SLC38A1: variants seen among roughly 807,000 people sequenced by gnomAD.
The protein encoded by SLC38A1 is solute carrier family 38 member 1, also known as sodium-coupled neutral amino acid symporter 1.
A neutral mutation model predicts 60.3 loss-of-function variants in SLC38A1; 18 were observed. The ratio of observed to expected loss-of-function variants is 0.30; its 90% CI spans 0.21 to 0.44. SLC38A1 has a LOEUF of 0.44. Among genes scored for constraint, SLC38A1 ranks in the 20% least tolerant of loss-of-function variants. The pLI is 1.00. For missense variants in SLC38A1, 448 were observed against 587.2 expected (o/e 0.76, Z 2.45); for synonymous variants, 196 against 212.1 (o/e 0.92, Z 0.66).
intron 2 of SLC38A1, among the ~76,000 whole-genome samples, chr12:46,242,457 A>T (rs1273751155): frequency 2.0e-5 from 3 of 151,600 alleles, no homozygotes; most frequent in Non-Finnish European, 4.4e-5. Flanking sequence ...GGACCTTGAA[A>T]TTTTTTTTTC....
chr12:46,189,155 T>C, intron 16 of SLC38A1, 84 bp from the exon 17 acceptor site: 1 of 940,102 alleles, frequency 1.1e-6, no homozygotes, highest in South Asian at 1.4e-5. Context: ...AGAACAGTTT[T>C]TCCTCTCCCT....
chr12:46,215,814 C>A (rs1195011249), intron 5 of SLC38A1, among the ~76,000 whole-genome samples: 4 of 152,052 alleles, frequency 2.6e-5, no homozygotes, highest in African/African-American at 9.7e-5. Flanking sequence ...TTTTACTATC[C>A]TCAATTAAAC....
Position 46,187,388 on chromosome 12 carries a change from A to C in SLC38A1, c.*1582T>G, listed in dbSNP as rs956925981. ...AATTTAACCAGAATATAGAGGAAGCATAAGTCCTGTTTCAAGAGACCAGCT... is the reference window on the plus strand; with the variant it reads ...AATTTAACCAGAATATAGAGGAAGCCTAAGTCCTGTTTCAAGAGACCAGCT... On this transcript the variant is annotated 3_prime_UTR_variant, in exon 17 of 17. Coordinates refer to ENST00000398637, the MANE Select transcript of SLC38A1 (RefSeq NM_030674.4). 6.6e-6 allele frequency: 1 copy of C among 152,254 alleles called. No individual in the cohort carries two copies. Among genetic ancestry groups the C allele is most frequent in the Non-Finnish European group, 1.5e-5 (1 of 68,052 alleles). The allele number at this position is 152,254 out of a possible 1,614,324, so 9.4% of individuals were successfully genotyped here.
rs116626031 is a variant in SLC38A1 at position 46,237,569 on chromosome 12, C to T, written c.122+2110G>A. 7.7e-3 allele frequency among the ~76,000 whole-genome samples: 1,170 copies of T among 151,968 alleles called. 14 individuals carry two copies. Among genetic ancestry groups the T allele is most frequent in the Middle Eastern group, 0.017 (5 of 294 alleles). Reference sequence around the variant, plus strand: ...GCCAACAGACCTCCCTCTGTACCAACGCTTGCCCTGGTTGGAGCCTATAGG... The same window carrying T: ...GCCAACAGACCTCCCTCTGTACCAATGCTTGCCCTGGTTGGAGCCTATAGG... On this transcript the variant is annotated intron_variant, in intron 3 of 16. Coordinates refer to ENST00000398637, the MANE Select transcript of SLC38A1 (RefSeq NM_030674.4).
intron 5 of SLC38A1, among the ~76,000 whole-genome samples, chr12:46,215,120 G>A (rs190235866): frequency 1.7e-4 from 26 of 152,240 alleles, no homozygotes; most frequent in Admixed American, 1.4e-3. Flanking sequence ...GACCTCCCTG[G>A]AAGCAGCAAA....
rs3742055 is a variant in SLC38A1 at position 46,184,110 on chromosome 12, G to C, written c.*4860C>G. On this transcript the variant is annotated 3_prime_UTR_variant, in exon 17 of 17. Transcript: ENST00000398637. ...GTATACAGATGGGCCCAGTTTCATA[G>C]CCCTTCCTTAGATAAAAGCCTAAAG... The C allele has an allele frequency of 0.15, 22,938 of 152,550 alleles. 2,113 individuals carry two copies. The highest frequency in any genetic ancestry group is 0.31 in the South Asian group (1,497 of 4,816). The allele number at this position is 152,550 out of a possible 1,614,324, so 9.4% of individuals were successfully genotyped here.
In SLC38A1 at chr12:46,209,264, C is replaced by T. The variant is rs1050790676; in HGVS notation, c.315-137G>A. 5 of 543,104 alleles carry T rather than the reference C, an allele frequency of 9.2e-6. No individual in the cohort carries two copies. The African/African-American group carries it at 9.8e-5, about 11-fold the overall frequency. 33.6% of individuals were successfully genotyped at this position (543,104 alleles called of 1,614,324 possible). ...TATCCAAATTTTGGAACCTATTAGT[C>T]ATCCCTGCTTTAAAATCCTCAACAA... On this transcript the variant is annotated intron_variant, in intron 5 of 16. Coordinates refer to ENST00000398637, the MANE Select transcript of SLC38A1 (RefSeq NM_030674.4).
At chr12:46,222,999 T>C (rs556306747) in intron 5 of SLC38A1, among the ~76,000 whole-genome samples, 17 of 152,266 alleles carry the variant, frequency 1.1e-4, no homozygotes, top group Admixed American at 6.5e-4. Context: ...TATAAGGTGA[T>C]TTTAAAGGTA....
chr12:46,195,688 C>G (rs12296427), intron 16 of SLC38A1: 1 of 164,282 alleles, frequency 6.1e-6, no homozygotes, highest in Non-Finnish European at 1.3e-5. Context: ...CAAGCTGCAG[C>G]GTCGCAGGTC....
chr12:46,234,742 A>G (rs1050073518), intron 3 of SLC38A1, among the ~76,000 whole-genome samples: 2 of 152,206 alleles, frequency 1.3e-5, no homozygotes, highest in African/African-American at 2.4e-5. Flanking sequence ...CATTTAAAAA[A>G]TACATAAAAC....
chr12:46,185,182 T>C lies in SLC38A1; in HGVS notation c.*3788A>G, dbSNP rs746117743. 7 of 152,248 alleles carry C rather than the reference T, an allele frequency of 4.6e-5. No homozygotes were observed. The highest frequency in any genetic ancestry group is 7.3e-5 in the Non-Finnish European group (5 of 68,088). The allele number at this position is 152,248 out of a possible 1,614,324, so 9.4% of individuals were successfully genotyped here. A position where few individuals can be genotyped will look rare whatever the true frequency, so the allele number is the denominator to read the frequency against. The stretch of plus-strand genomic sequence containing the variant: ...TGCTGAGTCCCTCCCTGAGAGCTTC[T>C]GACTTCACCATGTCTGGGAGGGGGC... On this transcript the variant is annotated 3_prime_UTR_variant, in exon 17 of 17. Coordinates refer to ENST00000398637, the MANE Select transcript of SLC38A1 (RefSeq NM_030674.4).
intron 12 of SLC38A1, 144 bp from the exon 13 acceptor site, chr12:46,201,342 C>G (rs1391260522): frequency 1.5e-6 from 1 of 662,662 alleles, no homozygotes; most frequent in South Asian, 2.0e-5. Context: ...GCAGTTATGC[C>G]AGTTGAAAAT....
At chr12:46,248,656 T>G (rs532070558) in intron 1 of SLC38A1, among the ~76,000 whole-genome samples, 1 of 152,228 alleles carries the variant, frequency 6.6e-6, no homozygotes, top group South Asian at 2.1e-4. Flanking sequence ...GAACTCATCT[T>G]TGCACCAAGT....
At position 46,268,005 on chromosome 12, in the gene SLC38A1, A is replaced by G. The variant is rs1187622571; in HGVS notation, c.-209+521T>C. Among the ~76,000 whole-genome samples, 1 of 152,174 alleles carries G rather than the reference A, an allele frequency of 6.6e-6. No homozygotes were observed. Among genetic ancestry groups the G allele is most frequent in the Non-Finnish European group, 1.5e-5 (1 of 68,016 alleles). On this transcript the variant is annotated intron_variant, in intron 1 of 16. Transcript: ENST00000398637. The surrounding 1 kb of genome is among the most constrained non-coding windows in gnomAD (Gnocchi z 4.4). ...AAGGACGGCAAACATGCCCCGGTTT[A>G]GTGGTGGTCCGCGGCCGCTACCCAG... is the stretch of plus-strand genomic sequence containing the variant.
chr12:46,198,778 G>A (rs759332744), intron 13 of SLC38A1, 35 bp from the exon 14 acceptor site: 3 of 1,350,996 alleles, frequency 2.2e-6, no homozygotes, highest in Non-Finnish European at 3.1e-6. Flanking sequence ...GTTTTAAAAG[G>A]AGACAAAGTA....
chr12:46,233,428 T>C (rs1941148868), intron 3 of SLC38A1, among the ~76,000 whole-genome samples: 1 of 152,178 alleles, frequency 6.6e-6, no homozygotes, highest in Non-Finnish European at 1.5e-5. Flanking sequence ...ATTTCCATTA[T>C]ATTTAAATTA....
intron 11 of SLC38A1, 79 bp downstream of exon 11, chr12:46,204,222 C>T: frequency 1.1e-6 from 1 of 881,050 alleles, no homozygotes; most frequent in Non-Finnish European, 1.9e-6. Context: ...ACATTCAAAC[C>T]AGTGCAATTA....
intron 5 of SLC38A1, among the ~76,000 whole-genome samples, chr12:46,209,753 G>A (rs953138660): frequency 1.3e-5 from 2 of 152,132 alleles, no homozygotes; most frequent in Non-Finnish European, 2.9e-5. Flanking sequence ...TGACAATCAA[G>A]TATAATGAAA....
At chr12:46,250,327 G>A (rs1400363193) in intron 1 of SLC38A1, among the ~76,000 whole-genome samples, 1 of 152,102 alleles carries the variant, frequency 6.6e-6, no homozygotes, top group Non-Finnish European at 1.5e-5. Flanking sequence ...GGGTATTGAT[G>A]GAACGTTTCT....
Sources: gnomAD v4.1 joint callset for allele counts (sites outside exome capture counted in the v4.1 genomes callset) on GRCh38, gnomAD v4.1.1 for gene constraint, Gnocchi (gnomAD v3.1) non-coding constraint, MANE v1.5 for transcripts, NCBI Gene and HGNC (gene_info 2026-07-23, HGNC 2026-07-21) for gene names.